Variants in SDK1 observed in about 807,000 individuals in gnomAD.
The protein encoded by SDK1 is protein sidekick-1.
In SDK1, 157 loss-of-function variants were observed where a neutral mutation model predicts 245.5. The ratio of observed to expected loss-of-function variants is 0.64; its 90% CI spans 0.56 to 0.73. SDK1 has a LOEUF of 0.73. SDK1 is among the 30% of genes least tolerant of loss of function. The pLI is 0.00. For synonymous variants in SDK1, 1,647 were observed against 1,278.5 expected (o/e 1.29, Z -6.15); for missense variants, 3,583 against 3,002.3 (o/e 1.19, Z -4.52).
At chr7:3,355,666 G>C (rs1015555609) in intron 1 of SDK1, among the ~76,000 whole-genome samples, 4 of 152,010 alleles carry the variant, frequency 2.6e-5, no homozygotes, top group East Asian at 1.9e-4. Flanking sequence ...GCTTTCCACC[G>C]ACAAATCTAT....
chr7:3,655,503 A>ATGTGTG (rs1187192231), intron 4 of SDK1, among the ~76,000 whole-genome samples: 3 of 62,774 alleles, frequency 4.8e-5, no homozygotes, highest in Admixed American at 1.8e-4. Flanking sequence ...ATATATATAT[A>ATGTGTG]TGTATGTATG....
chr7:3,493,081 G>T lies in SDK1; in HGVS notation c.299-125999G>T, dbSNP rs527586229. Among the ~76,000 whole-genome samples the T allele has an allele frequency of 7.2e-5, 11 of 152,244 alleles. No homozygotes were observed. The East Asian group carries it at 2.1e-3, about 29-fold the overall frequency. ...TTCTCCTGCCTCAGCCTCCCCAGTA[G>T]CTGGGACTACAGGTGCCCGCCACCA... On this transcript the variant is annotated intron_variant, in intron 1 of 44. Coordinates refer to ENST00000404826, the MANE Select transcript of SDK1 (RefSeq NM_152744.4).
intron 4 of SDK1, among the ~76,000 whole-genome samples, chr7:3,778,128 T>C (rs1019791463): frequency 1.3e-5 from 2 of 152,260 alleles, no homozygotes; most frequent in Non-Finnish European, 2.9e-5. Context: ...CATGCCGTCG[T>C]GTCTCCCATC....
At chr7:4,002,192 G>T (rs931973156) in intron 14 of SDK1, among the ~76,000 whole-genome samples, 1 of 152,206 alleles carries the variant, frequency 6.6e-6, no homozygotes, top group African/African-American at 2.4e-5. Flanking sequence ...GCTCTGACTA[G>T]ACCAAGAGAA....
chr7:3,910,647 G>A (rs928612996), intron 5 of SDK1, among the ~76,000 whole-genome samples: 7 of 152,110 alleles, frequency 4.6e-5, no homozygotes, highest in Admixed American at 6.5e-5. Context: ...CCCAGGCTCC[G>A]GTGATTGACA....
At chr7:3,993,833 T>C (rs1583764288) in intron 14 of SDK1, among the ~76,000 whole-genome samples, 1 of 152,144 alleles carries the variant, frequency 6.6e-6, no homozygotes, top group Non-Finnish European at 1.5e-5. Context: ...ACGCATTCTA[T>C]CTACTCTTCT....
intron 35 of SDK1, among the ~76,000 whole-genome samples, chr7:4,197,188 G>C (rs28739490): frequency 0.29 from 44,338 of 151,922 alleles, 6,848 homozygotes; most frequent in Non-Finnish European, 0.31. Context: ...TTGGGGCCAG[G>C]CATGGTGGCT....
At chr7:3,467,849 T>A (rs1781056423) in intron 1 of SDK1, among the ~76,000 whole-genome samples, 1 of 152,166 alleles carries the variant, frequency 6.6e-6, no homozygotes, top group Non-Finnish European at 1.5e-5. Flanking sequence ...CTTTATTAGC[T>A]TGTTTGCTGA....
chr7:3,495,252 C>CTGTTTTTT (rs1781989195), intron 1 of SDK1, among the ~76,000 whole-genome samples: 1 of 99,772 alleles, frequency 1.0e-5, no homozygotes, highest in African/African-American at 4.0e-5. Flanking sequence ...CATAATGGTT[C>CTGTTTTTT]TTTTTTTTTT....
intron 12 of SDK1, among the ~76,000 whole-genome samples, chr7:3,972,756 C>A (rs966090340): frequency 1.1e-4 from 16 of 152,192 alleles, no homozygotes; most frequent in Admixed American, 5.9e-4. Flanking sequence ...TTCTCTCGCG[C>A]TTCTTGAGCG....
rs1027637189 is a variant in SDK1, at chr7:3,621,393, G to C, written c.458+2154G>C. ...GCCCACATCACCCTCATTTTTATGA[G>C]AGTTCTCTTAAAAATTAAATTACAT... On this transcript the variant is annotated intron_variant, in intron 2 of 44. Coordinates refer to ENST00000404826, the MANE Select transcript of SDK1 (RefSeq NM_152744.4). Among the ~76,000 whole-genome samples the C allele has an allele frequency of 1.1e-4, 17 of 152,202 alleles. No individual in the cohort carries two copies. The East Asian group carries it at 3.3e-3, about 29-fold the overall frequency.
At chr7:3,530,145 T>C (rs192014903) in intron 1 of SDK1, among the ~76,000 whole-genome samples, 1 of 152,234 alleles carries the variant, frequency 6.6e-6, no homozygotes, top group African/African-American at 2.4e-5. Context: ...TAGTCATACA[T>C]AAAAAGGACC....
chr7:3,740,005 T>C (rs578135882), intron 4 of SDK1, among the ~76,000 whole-genome samples: 1 of 152,336 alleles, frequency 6.6e-6, no homozygotes, highest in South Asian at 2.1e-4. Flanking sequence ...CTGAAGTCTC[T>C]TGTCAGTTAG....
At chr7:4,134,591 C>T (rs533207715) in intron 28 of SDK1, among the ~76,000 whole-genome samples, 72 of 152,322 alleles carry the variant, frequency 4.7e-4, no homozygotes, top group African/African-American at 1.7e-3. Context: ...TTGACAGAGT[C>T]ACAGGAGTCC....
chr7:3,597,921 G>T (rs771717560), intron 1 of SDK1, among the ~76,000 whole-genome samples: 5 of 151,692 alleles, frequency 3.3e-5, no homozygotes, highest in Non-Finnish European at 7.3e-5. Flanking sequence ...TACTCGTGTG[G>T]ATGTATGCTT....
chr7:3,474,679 C>A (rs917494582), intron 1 of SDK1, among the ~76,000 whole-genome samples: 2 of 152,042 alleles, frequency 1.3e-5, no homozygotes, highest in Non-Finnish European at 2.9e-5. Context: ...CCATCTCGCA[C>A]CTGGGTCATT....
At chr7:4,105,996 G>A (rs371910619) in intron 22 of SDK1, among the ~76,000 whole-genome samples, 67 of 152,306 alleles carry the variant, frequency 4.4e-4, no homozygotes, top group African/African-American at 1.4e-3. Flanking sequence ...TGTTCCAATC[G>A]ACATCTTTCA....
chr7:3,862,030 A>G (rs535442033), intron 5 of SDK1, among the ~76,000 whole-genome samples: 143 of 152,328 alleles, frequency 9.4e-4, no homozygotes, highest in African/African-American at 3.3e-3. Flanking sequence ...TTGTGTATAA[A>G]TGTTTCCCAG....
At chr7:3,329,617 A>G (rs1474574810) in intron 1 of SDK1, among the ~76,000 whole-genome samples, 1 of 152,156 alleles carries the variant, frequency 6.6e-6, no homozygotes, top group Non-Finnish European at 1.5e-5. Flanking sequence ...TATAAGTAGA[A>G]TCATCCGGGA....
Sources: gnomAD v4.1 joint callset for allele counts (sites outside exome capture counted in the v4.1 genomes callset) on GRCh38, gnomAD v4.1.1 for gene constraint, MANE v1.5 for transcripts, NCBI Gene and HGNC (gene_info 2026-07-23, HGNC 2026-07-21) for gene names.